Variants in PPP2R3A observed in about 807,000 individuals in gnomAD.
The protein encoded by PPP2R3A is serine/threonine-protein phosphatase 2A regulatory subunit B'' subunit alpha.
A neutral mutation model predicts 106.9 loss-of-function variants in PPP2R3A; 80 were observed. The observed-to-expected ratio is 0.75, with a 90% CI of 0.62 to 0.90. PPP2R3A has a LOEUF of 0.90. PPP2R3A is among the 40% of genes least tolerant of loss of function. The probability of loss-of-function intolerance (pLI) is 0.00; values close to 1 mark genes in which losing one functional copy is unlikely to be tolerated. For synonymous variants in PPP2R3A, 483 were observed against 468.3 expected, an observed-to-expected ratio of 1.03 and a Z score of -0.41; for missense variants, 1,386 against 1,350.4, an observed-to-expected ratio of 1.03 and a Z score of -0.41.
At chr3:136,062,476 C>T (rs1309781951) in intron 5 of PPP2R3A, among the ~76,000 whole-genome samples, 1 of 150,642 alleles carries the variant, frequency 6.6e-6, no homozygotes, top group Non-Finnish European at 1.5e-5. Flanking sequence ...GTAATCCTAG[C>T]ACTTTGGGAG....
chr3:135,986,607 G>A (rs6810364), intron 1 of PPP2R3A, among the ~76,000 whole-genome samples: 151,814 of 152,132 alleles, frequency 1, 75,748 homozygotes, highest in East Asian at 1. Flanking sequence ...CCCACTCTTC[G>A]CTCTCAACTG....
At chr3:136,118,084 G>T (rs1054465985) in intron 13 of PPP2R3A, among the ~76,000 whole-genome samples, 1 of 152,104 alleles carries the variant, frequency 6.6e-6, no homozygotes, top group African/African-American at 2.4e-5. Context: ...ATGCAAAACA[G>T]TAAATGTAAT....
intron 5 of PPP2R3A, chr3:136,055,879 G>A (rs1336552571): frequency 1.7e-5 from 7 of 420,786 alleles, no homozygotes; most frequent in Admixed American, 3.8e-5. Flanking sequence ...AGAGGGGAGC[G>A]TAAATCACCA....
chr3:136,124,902 T>TG (rs1938128638), intron 13 of PPP2R3A, among the ~76,000 whole-genome samples: 1 of 152,240 alleles, frequency 6.6e-6, no homozygotes, highest in East Asian at 1.9e-4. Flanking sequence ...TTGGATGAAA[T>TG]GGGGAAAAAA....
At chr3:136,089,783 CAG>C (rs1937047972) in intron 9 of PPP2R3A, among the ~76,000 whole-genome samples, 1 of 152,036 alleles carries the variant, frequency 6.6e-6, no homozygotes, top group South Asian at 2.1e-4. Context: ...TTTCTTTCAG[CAG>C]AGTGTTGTAG....
chr3:136,087,986 C>T (rs1936999471), intron 9 of PPP2R3A, 55 bp downstream of exon 9: 7 of 1,447,744 alleles, frequency 4.8e-6, no homozygotes, highest in South Asian at 2.4e-5. Context: ...ATACCATAAC[C>T]ATCTCATTTT....
chr3:136,041,907 T>A (rs1467298033), intron 4 of PPP2R3A, among the ~76,000 whole-genome samples: 2 of 152,200 alleles, frequency 1.3e-5, no homozygotes, highest in Non-Finnish European at 2.9e-5. Flanking sequence ...TTGGTATATT[T>A]ATACATCTTA....
At chr3:136,028,241 G>T (rs1198721894) in intron 3 of PPP2R3A, among the ~76,000 whole-genome samples, 1 of 152,120 alleles carries the variant, frequency 6.6e-6, no homozygotes, top group African/African-American at 2.4e-5. Context: ...ACCCTCACTT[G>T]TCATGCCCTG....
intron 4 of PPP2R3A, among the ~76,000 whole-genome samples, chr3:136,042,505 A>C (rs1454781074): frequency 2.0e-5 from 3 of 152,216 alleles, no homozygotes; most frequent in Non-Finnish European, 2.9e-5. Context: ...AAAATAAAAA[A>C]ATTTTTTTAA....
chr3:136,001,762 A>G lies in PPP2R3A; in HGVS notation c.264A>G (p.Gln88=), dbSNP rs369576229. ...GLSSAEGDYP[Q]QAFTGIPRVK... is the part of the protein sequence containing the mutation. ...CTTCGGCTGAAGGAGACTATCCCCA[A>G]CAGGCCTTCACAGGCATACCCAGGG... Residue 88 remains glutamine, a synonymous_variant, in exon 2 of 14, where the codon CAA becomes CAG. Transcript: ENST00000264977. The G allele has an allele frequency of 2.5e-6, 4 of 1,614,060 alleles. No homozygotes were observed. The African/African-American group carries it at 5.3e-5, about 22-fold the overall frequency.
At position 136,003,057 on chromosome 3, in the gene PPP2R3A, C is replaced by T; in HGVS notation, c.1559C>T (p.Ser520Leu). ...DKLLMDLESF[S>L]QKMETSLREP... ...TTGTTAATGGATTTGGAATCTTTTT[C>T]ACAGAAGATGGAGACCTCTCTAAGA... is the stretch of plus-strand genomic sequence containing the variant. Residue 520 changes from serine (S) to leucine (L), a missense_variant, in exon 2 of 14, where the codon TCA (serine) becomes TTA (leucine). By Grantham distance (145) the Ser-to-Leu change is moderately radical. Coordinates refer to ENST00000264977, the MANE Select transcript of PPP2R3A (RefSeq NM_002718.5). 1 of 1,611,970 alleles carries T rather than the reference C, an allele frequency of 6.2e-7. No individual in the cohort carries two copies. Among genetic ancestry groups the T allele is most frequent in the Non-Finnish European group, 8.5e-7 (1 of 1,179,474 alleles).
intron 9 of PPP2R3A, 38 bp downstream of exon 9, chr3:136,087,969 A>G (rs3772390): frequency 0.038 from 58,231 of 1,519,048 alleles, 1,489 homozygotes; most frequent in East Asian, 0.14. Flanking sequence ...AAAATGAACT[A>G]CAAGTAATAC....
intron 1 of PPP2R3A, among the ~76,000 whole-genome samples, chr3:135,996,118 T>TA (rs1309528255): frequency 6.6e-6 from 1 of 152,206 alleles, no homozygotes; most frequent in Non-Finnish European, 1.5e-5. Flanking sequence ...TTTAAGATGC[T>TA]ACCAACTATA....
At chr3:136,052,349 C>T (rs1371407411) in intron 5 of PPP2R3A, among the ~76,000 whole-genome samples, 2 of 152,112 alleles carry the variant, frequency 1.3e-5, no homozygotes, top group South Asian at 2.1e-4. Context: ...CTCTCTGCCT[C>T]GGCACAGTAA....
chr3:135,976,885 C>T (rs1937434790), intron 1 of PPP2R3A, among the ~76,000 whole-genome samples: 1 of 151,928 alleles, frequency 6.6e-6, no homozygotes, highest in African/African-American at 2.4e-5. Context: ...GTTCAGTTGG[C>T]CATTCATTTA....
At chr3:136,021,010 T>A (rs1288867055) in intron 2 of PPP2R3A, among the ~76,000 whole-genome samples, 1 of 152,076 alleles carries the variant, frequency 6.6e-6, no homozygotes, top group Non-Finnish European at 1.5e-5. Flanking sequence ...ATGTATAATT[T>A]GAGGAAAGGG....
At chr3:136,115,870 C>G (rs1341282772) in intron 13 of PPP2R3A, among the ~76,000 whole-genome samples, 3 of 151,996 alleles carry the variant, frequency 2.0e-5, no homozygotes, top group Non-Finnish European at 4.4e-5. Context: ...GACAGGCCAA[C>G]ATTCAAATTC....
Position 136,009,095 on chromosome 3 carries a change from G to A in PPP2R3A, c.1995+5602G>A, listed in dbSNP as rs147338853. Among the ~76,000 whole-genome samples, 458 of 152,030 alleles carry A rather than the reference G, an allele frequency of 3.0e-3. 7 individuals carry two copies. The highest frequency in any genetic ancestry group is 9.8e-3 in the African/African-American group (407 of 41,432). On this transcript the variant is annotated intron_variant, in intron 2 of 13. Coordinates refer to ENST00000264977, the MANE Select transcript of PPP2R3A (RefSeq NM_002718.5). ...CACTCTGAATTCATGATGATTTACC[G>A]GCAAAGTTTCCTATGTCATATCTCT...
At chr3:136,088,012 ATAAT>A in intron 9 of PPP2R3A, 81 bp downstream of exon 9, 1 of 1,279,548 alleles carries the variant, frequency 7.8e-7, no homozygotes, top group South Asian at 1.3e-5. Flanking sequence ...AGCTTCCTGA[ATAAT>A]TTGGCAGTGC....
Sources: gnomAD v4.1 joint callset for allele counts (sites outside exome capture counted in the v4.1 genomes callset) on GRCh38, gnomAD v4.1.1 for gene constraint, MANE v1.5 for transcripts, NCBI Gene and HGNC (gene_info 2026-07-23, HGNC 2026-07-21) for gene names.